The following LDLRAD1 variants were observed in gnomAD, a reference collection of about 807,000 sequenced individuals.
The protein encoded by LDLRAD1 is low density lipoprotein receptor class A domain containing 1, also known as low-density lipoprotein receptor class A domain-containing protein 1.
Under a neutral mutation model 24.8 loss-of-function variants are expected in LDLRAD1, and 17 were observed. That is an observed-to-expected ratio of 0.69 (90% CI 0.47 to 1.03). The LOEUF is 1.03. LDLRAD1 is among the 50% of genes least tolerant of loss of function. The probability of loss-of-function intolerance (pLI) is 0.00; values close to 1 mark genes in which losing one functional copy is unlikely to be tolerated. For synonymous variants in LDLRAD1, 103 were observed against 108.2 expected, an observed-to-expected ratio of 0.95 and a Z score of 0.30; for missense variants, 277 against 271.0, an observed-to-expected ratio of 1.02 and a Z score of -0.16.
intron 4 of LDLRAD1, 22 bp from the exon 5 acceptor site, chr1:54,010,432 A>T: frequency 6.2e-7 from 1 of 1,613,256 alleles, no homozygotes; most frequent in Admixed American, 1.7e-5. Flanking sequence ...CAGAGGAGGC[A>T]GGAAGAAGTC....
chr1:54,008,889 GCTTCCTGCCC>G lies in LDLRAD1; in HGVS notation c.*83_*92del. On this transcript the variant is annotated 3_prime_UTR_variant, in exon 6 of 6. Transcript: ENST00000371360. ...ATGTGTAGATCCCATTTCAAAGGCTGCTTCCTGCCCTTGTGCGCTAGGATTTGATTTTCAT... is the reference window on the plus strand; with the variant it reads ...ATGTGTAGATCCCATTTCAAAGGCTGTTGTGCGCTAGGATTTGATTTTCAT... The G allele has an allele frequency of 1.9e-6, 2 of 1,069,350 alleles. No individual in the cohort carries two copies. Among genetic ancestry groups the G allele is most frequent in the Non-Finnish European group, 2.5e-6 (2 of 788,652 alleles). 66.2% of individuals were successfully genotyped at this position (1,069,350 alleles called of 1,614,324 possible).
chr1:54,008,998 G>C lies in LDLRAD1; in HGVS notation c.602C>G (p.Ala201Gly). Residue 201 changes from alanine to glycine, a missense_variant, in exon 6 of 6, where the codon GCC (alanine) becomes GGC (glycine). By Grantham distance (60) the Ala-to-Gly change is moderately conservative. Coordinates refer to ENST00000371360, the MANE Select transcript of LDLRAD1 (RefSeq NM_001010978.4). ...QHCSDWSDEY[A>G]CPGP ...GTGGCCCACTCAGGGTCCGGGACAG[G>C]CATACTCATCGGACCAGTCGGAGCA... is the stretch of plus-strand genomic sequence containing the variant. 1 of 1,613,706 alleles carries C rather than the reference G, an allele frequency of 6.2e-7. No individual in the cohort carries two copies. The highest frequency in any genetic ancestry group is 1.1e-5 in the South Asian group (1 of 91,032).
chr1:54,011,436 T>C (rs1369889466), intron 4 of LDLRAD1, among the ~76,000 whole-genome samples: 3 of 151,892 alleles, frequency 2.0e-5, no homozygotes, highest in South Asian at 2.1e-4. Context: ...AGAGAGGGGA[T>C]TGGGGATGAG....
In LDLRAD1 at chr1:54,008,801, G is replaced by A. The variant is rs1276374347; in HGVS notation, c.*181C>T. 5 of 586,758 alleles carry A rather than the reference G, an allele frequency of 8.5e-6. No homozygotes were observed. Among genetic ancestry groups the A allele is most frequent in the Non-Finnish European group, 1.5e-5 (5 of 335,358 alleles). The allele number at this position is 586,758 out of a possible 1,614,324, so 36.3% of individuals were successfully genotyped here. On this transcript the variant is annotated 3_prime_UTR_variant, in exon 6 of 6. Coordinates refer to ENST00000371360, the MANE Select transcript of LDLRAD1 (RefSeq NM_001010978.4). ...ACATGGTAATGAGCTCCTGGTCATTGGAAGCATTCAAGCAGAGGCTGAACA... is the reference window on the plus strand; with the variant it reads ...ACATGGTAATGAGCTCCTGGTCATTAGAAGCATTCAAGCAGAGGCTGAACA...
intron 1 of LDLRAD1, among the ~76,000 whole-genome samples, chr1:54,017,664 TA>T (rs1656369796): frequency 6.6e-6 from 1 of 152,094 alleles, no homozygotes; most frequent in South Asian, 2.1e-4. Flanking sequence ...ACCTGATAAA[TA>T]TTCATCCTTC....
chr1:54,015,229 C>T (rs1158825683), intron 2 of LDLRAD1, among the ~76,000 whole-genome samples: 1 of 152,100 alleles, frequency 6.6e-6, no homozygotes, highest in Admixed American at 6.5e-5. Flanking sequence ...CTCAACCTCC[C>T]AAAATGCTGG....
chr1:54,009,030 T>A lies in LDLRAD1; in HGVS notation c.570A>T (p.Val190=). ...CATCGGACCAGTCGGAGCAGTGCTG[T>A]ACATGGTCGCGGCAGAGATGCCTCG... ...CIPRHLCRDH[V]QHCSDWSDEY... Residue 190 remains valine (V), a synonymous_variant, in exon 6 of 6, where the codon GTA becomes GTT. Coordinates refer to ENST00000371360, the MANE Select transcript of LDLRAD1 (RefSeq NM_001010978.4). 1 of 1,614,060 alleles carries A rather than the reference T, an allele frequency of 6.2e-7. No homozygotes were observed. The highest frequency in any genetic ancestry group is 1.1e-5 in the South Asian group (1 of 91,074).
At chr1:54,016,780 T>C (rs1487864604) in intron 2 of LDLRAD1, among the ~76,000 whole-genome samples, 1 of 152,206 alleles carries the variant, frequency 6.6e-6, no homozygotes, top group Non-Finnish European at 1.5e-5. Flanking sequence ...AGAGCTGTCC[T>C]GAGGATTAAA....
chr1:54,013,191 A>T (rs918321945), intron 3 of LDLRAD1, among the ~76,000 whole-genome samples: 1 of 152,028 alleles, frequency 6.6e-6, no homozygotes. Flanking sequence ...CAGACAACAG[A>T]TGTGCACACA....
intron 2 of LDLRAD1, 105 bp downstream of exon 2, chr1:54,017,271 C>A: frequency 1.1e-6 from 1 of 896,190 alleles, no homozygotes; most frequent in Non-Finnish European, 1.8e-6. Context: ...AGGCAGAGGT[C>A]TGAGGGACAG....
intron 5 of LDLRAD1, 80 bp downstream of exon 5, chr1:54,010,202 T>G: frequency 6.6e-7 from 1 of 1,526,518 alleles, no homozygotes; most frequent in Non-Finnish European, 9.0e-7. Flanking sequence ...GGGGGAGCCC[T>G]AGAGATTCCC....
At chr1:54,017,494 A>G in intron 1 of LDLRAD1, 67 bp from the exon 2 acceptor site, 4 of 1,405,990 alleles carry the variant, frequency 2.8e-6, no homozygotes, top group Non-Finnish European at 3.0e-6. Context: ...GGAGGCAGAC[A>G]ACAGGGTTTT....
At position 54,008,572 on chromosome 1, in the gene LDLRAD1, C is replaced by G. The variant is rs1446541816; in HGVS notation, c.*410G>C. ...GTTTTGTTTCATTTTTTTTTTGAGA[C>G]AGGGTCTCACTGTGTTGCTCAGGCT... On this transcript the variant is annotated 3_prime_UTR_variant, in exon 6 of 6. Coordinates refer to ENST00000371360, the MANE Select transcript of LDLRAD1 (RefSeq NM_001010978.4). 1 of 155,572 alleles carries G rather than the reference C, an allele frequency of 6.4e-6. No homozygotes were observed. Among genetic ancestry groups the G allele is most frequent in the East Asian group, 1.9e-4 (1 of 5,328 alleles). The allele number at this position is 155,572 out of a possible 1,614,324, so 9.6% of individuals were successfully genotyped here.
chr1:54,014,114 T>G (rs1313067603), intron 3 of LDLRAD1, 122 bp downstream of exon 3: 2 of 1,162,896 alleles, frequency 1.7e-6, no homozygotes, highest in African/African-American at 1.5e-5. Flanking sequence ...TGCATGCACC[T>G]TAAGGAATTA....
At chr1:54,012,012 G>T in intron 4 of LDLRAD1, 131 bp downstream of exon 4, 1 of 1,079,158 alleles carries the variant, frequency 9.3e-7, no homozygotes, top group Non-Finnish European at 1.3e-6. Context: ...CGGGGCAGGT[G>T]TTCCTGGATG....
intron 3 of LDLRAD1, among the ~76,000 whole-genome samples, chr1:54,013,612 C>A (rs1296536843): frequency 6.6e-6 from 1 of 152,114 alleles, no homozygotes; most frequent in Non-Finnish European, 1.5e-5. Context: ...CCCCTCAGGG[C>A]TCCACACATG....
intron 3 of LDLRAD1, 134 bp downstream of exon 3, chr1:54,014,102 T>C: frequency 8.4e-6 from 8 of 955,878 alleles, no homozygotes; most frequent in Non-Finnish European, 1.3e-5. Context: ...TGTGTGTGTC[T>C]GTGCATGCAC....
chr1:54,012,135 G>A lies in LDLRAD1; in HGVS notation c.340+8C>T, dbSNP rs1258500011. Reference sequence around the variant, plus strand: ...CCCTGGGAGGGGCAGCACCGAGCGGGTACTCACGGCACAAGCTCTCATCCT... The same window carrying A: ...CCCTGGGAGGGGCAGCACCGAGCGGATACTCACGGCACAAGCTCTCATCCT... On this transcript the variant is annotated splice_region_variant and intron_variant, in intron 4 of 5. Transcript: ENST00000371360. 1 of 1,613,544 alleles carries A rather than the reference G, an allele frequency of 6.2e-7. No individual in the cohort carries two copies. Among genetic ancestry groups the A allele is most frequent in the Non-Finnish European group, 8.5e-7 (1 of 1,179,936 alleles).
Position 54,014,230 on chromosome 1 carries a change from C to G in LDLRAD1, c.202+6G>C, listed in dbSNP as rs1314878258. On this transcript the variant is annotated splice_donor_region_variant and intron_variant, in intron 3 of 5. Transcript: ENST00000371360. ...GTCTGACCCACCCTCTCTTGGCCGC[C>G]CTGACCTGGGGTGCATGATGGGAGT... The G allele has an allele frequency of 6.4e-7, 1 of 1,570,214 alleles. No individual in the cohort carries two copies. Among genetic ancestry groups the G allele is most frequent in the Admixed American group, 1.9e-5 (1 of 53,728 alleles).
Sources: allele counts gnomAD v4.1 joint callset (sites outside exome capture counted in the v4.1 genomes callset), GRCh38; gene constraint gnomAD v4.1.1; transcripts MANE v1.5; gene names NCBI Gene and HGNC (gene_info 2026-07-23, HGNC 2026-07-21).